BTAF1: variants seen among roughly 807,000 people sequenced by gnomAD.
The protein encoded by BTAF1 is B-TFIID TATA-box binding protein associated factor 1.
BTAF1 carries 38 observed loss-of-function variants against 227.1 expected under a neutral mutation model. The observed-to-expected ratio is 0.17, with a 90% CI of 0.13 to 0.22. BTAF1 has a LOEUF of 0.22. Ranked by LOEUF, BTAF1 falls within the 10% of genes least tolerant of loss-of-function variation. BTAF1 has a pLI of 1.00. For missense variants in BTAF1, 1,598 were observed against 2,204.0 expected (o/e 0.73, Z 5.51); for synonymous variants, 742 against 751.9 (o/e 0.99, Z 0.21).
intron 4 of BTAF1, among the ~76,000 whole-genome samples, chr10:91,946,802 C>T (rs953064367): frequency 1.3e-5 from 2 of 151,722 alleles, no homozygotes; most frequent in African/African-American, 4.8e-5. Context: ...AAGCTTCTTA[C>T]CAGATATGTG....
chr10:91,978,961 T>G (rs979240379), intron 14 of BTAF1, among the ~76,000 whole-genome samples: 1 of 152,040 alleles, frequency 6.6e-6, no homozygotes. Context: ...AGTAGTTATT[T>G]TTTCTGATCC....
intron 6 of BTAF1, among the ~76,000 whole-genome samples, chr10:91,955,067 T>C (rs544937561): frequency 6.6e-6 from 1 of 152,340 alleles, no homozygotes; most frequent in South Asian, 2.1e-4. Flanking sequence ...ATAATAAACA[T>C]ATACTTGGTA....
rs1288807319 is a variant in BTAF1, at chr10:92,016,302, ATATACT to A, written c.4585-35_4585-30del. Reference sequence around the variant, plus strand: ...ATGTGTTTTGAACAATTGAAAATAAATATACTTAAAGCTTCTCCCACGGGGGCCATT... The same window carrying A: ...ATGTGTTTTGAACAATTGAAAATAAATAAAGCTTCTCCCACGGGGGCCATT... On this transcript the variant is annotated intron_variant, in intron 32 of 37. Coordinates refer to ENST00000265990, the MANE Select transcript of BTAF1 (RefSeq NM_003972.3). The A allele has an allele frequency of 1.9e-6, 3 of 1,562,870 alleles. No individual in the cohort carries two copies. The African/African-American group carries it at 4.2e-5, about 22-fold the overall frequency.
chr10:91,924,614 C>G (rs1023591238), intron 1 of BTAF1, among the ~76,000 whole-genome samples: 1 of 152,196 alleles, frequency 6.6e-6, no homozygotes, highest in Non-Finnish European at 1.5e-5. Context: ...AGTAAACATT[C>G]CAACGTCAGC....
At chr10:92,026,936 G>A (rs1451899128) in intron 36 of BTAF1, among the ~76,000 whole-genome samples, 185 bp downstream of exon 36, 1 of 152,122 alleles carries the variant, frequency 6.6e-6, no homozygotes, top group African/African-American at 2.4e-5. Context: ...CTAGCACTTA[G>A]GAAAACCTGG....
chr10:92,022,205 T>C (rs967938931), intron 34 of BTAF1, among the ~76,000 whole-genome samples: 12 of 152,348 alleles, frequency 7.9e-5, no homozygotes, highest in Admixed American at 5.2e-4. Flanking sequence ...GTAGGATAGC[T>C]GCACCAGGGA....
chr10:92,023,225 T>TA (rs1319269879), intron 34 of BTAF1, among the ~76,000 whole-genome samples: 5 of 152,202 alleles, frequency 3.3e-5, no homozygotes, highest in African/African-American at 9.6e-5. Context: ...ATTTCAACCT[T>TA]ACGAAGAGGA....
At chr10:91,944,874 A>G (rs1201731717) in intron 4 of BTAF1, among the ~76,000 whole-genome samples, 1 of 152,244 alleles carries the variant, frequency 6.6e-6, no homozygotes, top group African/African-American at 2.4e-5. Flanking sequence ...GTCCCATAAA[A>G]TTATATTACT....
At position 92,014,869 on chromosome 10, in the gene BTAF1, C is replaced by T. The variant is rs553356426; in HGVS notation, c.4584+840C>T. ...GGTATAGCCAATTGTTCCAAGGCTACAAACCTGTACAGCATGTTACTGTAC... is the reference window on the plus strand; with the variant it reads ...GGTATAGCCAATTGTTCCAAGGCTATAAACCTGTACAGCATGTTACTGTAC... On this transcript the variant is annotated intron_variant, in intron 32 of 37. Coordinates refer to ENST00000265990, the MANE Select transcript of BTAF1 (RefSeq NM_003972.3). Among the ~76,000 whole-genome samples the T allele has an allele frequency of 2.4e-4, 36 of 152,304 alleles. No individual in the cohort carries two copies. In the South Asian group the frequency reaches 7.0e-3, roughly 30 times the overall value.
At chr10:92,007,055 T>TA (rs1418451806) in intron 25 of BTAF1, among the ~76,000 whole-genome samples, 1 of 151,638 alleles carries the variant, frequency 6.6e-6, no homozygotes, top group Non-Finnish European at 1.5e-5. Context: ...TTTTTTTTTT[T>TA]AAAATGGCTA....
intron 14 of BTAF1, among the ~76,000 whole-genome samples, chr10:91,973,736 C>G: frequency 6.6e-6 from 1 of 151,548 alleles, no homozygotes; most frequent in Non-Finnish European, 1.5e-5. Context: ...AACCCCGTCT[C>G]TACTAAAAAT....
intron 26 of BTAF1, among the ~76,000 whole-genome samples, chr10:92,008,529 G>A (rs1850096622): frequency 7.0e-6 from 1 of 143,342 alleles, no homozygotes; most frequent in African/African-American, 2.7e-5. Flanking sequence ...TTTTTTTTTG[G>A]TAGAGGCAGC....
intron 1 of BTAF1, among the ~76,000 whole-genome samples, chr10:91,928,680 G>C (rs1844035691): frequency 6.6e-6 from 1 of 151,432 alleles, no homozygotes; most frequent in South Asian, 2.1e-4. Context: ...TTACTTAGTT[G>C]GGATTTTGCC....
At chr10:92,016,548 G>A (rs1301882595) in intron 33 of BTAF1, 83 bp downstream of exon 33, 4 of 1,195,914 alleles carry the variant, frequency 3.3e-6, no homozygotes, top group East Asian at 2.9e-5. Flanking sequence ...GCATGATCTC[G>A]GCTCACTGCA....
In BTAF1 at chr10:91,935,791, T is replaced by A; in HGVS notation, c.138+11T>A. On this transcript the variant is annotated intron_variant, in intron 2 of 37. Coordinates refer to ENST00000265990, the MANE Select transcript of BTAF1 (RefSeq NM_003972.3). Reference sequence around the variant, plus strand: ...AATCTCCTGTCTAAAGTAAGAACTTTTTTTTTTCTTTTAGCATAATACAAT... The same window carrying A: ...AATCTCCTGTCTAAAGTAAGAACTTATTTTTTTCTTTTAGCATAATACAAT... 6.3e-7 allele frequency: 1 copy of A among 1,592,650 alleles called. No individual in the cohort carries two copies.
chr10:91,959,375 A>G (rs1159339335), intron 9 of BTAF1: 2 of 882,298 alleles, frequency 2.3e-6, no homozygotes, highest in African/African-American at 1.7e-5. Flanking sequence ...TTGCCTGGAG[A>G]CACTGGTAAT....
intron 21 of BTAF1, among the ~76,000 whole-genome samples, chr10:91,993,229 G>A (rs1191699592): frequency 1.3e-5 from 2 of 151,940 alleles, no homozygotes; most frequent in Non-Finnish European, 2.9e-5. Flanking sequence ...CTTTTTGGGG[G>A]GACAGATTTA....
chr10:91,956,686 T>G, intron 7 of BTAF1, 29 bp downstream of exon 7: 1 of 1,597,484 alleles, frequency 6.3e-7, no homozygotes, highest in Non-Finnish European at 8.5e-7. Context: ...AAAGTATCCA[T>G]TAAAATTGCT....
At position 91,959,730 on chromosome 10, in the gene BTAF1, GTGTGTGTGTGTATA is replaced by G. The variant is rs983887675; in HGVS notation, c.991-53_991-40del. Reference sequence around the variant, plus strand: ...TTATGTTAAAAAAATGTGTGTGTGTGTGTGTGTGTGTATATATATATATATATATATATATATAT... The same window carrying G: ...TTATGTTAAAAAAATGTGTGTGTGTGTATATATATATATATATATATATAT... On this transcript the variant is annotated intron_variant, in intron 9 of 37. Coordinates refer to ENST00000265990, the MANE Select transcript of BTAF1 (RefSeq NM_003972.3). The G allele has an allele frequency of 9.6e-5, 39 of 405,330 alleles. No individual in the cohort carries two copies. The African/African-American group carries it at 1.6e-3, about 17-fold the overall frequency. The allele number at this position is 405,330 out of a possible 1,614,324, so 25.1% of individuals were successfully genotyped here. A position where few individuals can be genotyped will look rare whatever the true frequency, so the allele number is the denominator to read the frequency against.
Sources: allele counts gnomAD v4.1 joint callset (sites outside exome capture counted in the v4.1 genomes callset), GRCh38; gene constraint gnomAD v4.1.1; transcripts MANE v1.5; gene names NCBI Gene and HGNC (gene_info 2026-07-23, HGNC 2026-07-21).